CNTN4: variants seen among roughly 807,000 people sequenced by gnomAD.
The protein encoded by CNTN4 is contactin-4.
A neutral mutation model predicts 122.5 loss-of-function variants in CNTN4; 77 were observed. The ratio of observed to expected loss-of-function variants is 0.63; its 90% confidence interval spans 0.52 to 0.76. The LOEUF (loss-of-function observed/expected upper bound fraction) is 0.76, where lower values mean the gene tolerates loss of function less well. CNTN4 is among the 30% of genes least tolerant of loss of function. The pLI, the probability that CNTN4 is intolerant of heterozygous loss-of-function variation, is 0.00. For synonymous variants in CNTN4, 512 were observed against 447.0 expected (o/e 1.15, Z -1.83); for missense variants, 1,256 against 1,259.1 (o/e 1.00, Z 0.04).
intron 2 of CNTN4, among the ~76,000 whole-genome samples, chr3:2,118,721 A>G (rs1043897556): frequency 6.6e-6 from 1 of 152,308 alleles, no homozygotes; most frequent in East Asian, 1.9e-4. Flanking sequence ...AGAAATTTAA[A>G]CAAAAAGAAA....
At chr3:2,254,090 C>A (rs966477827) in intron 2 of CNTN4, among the ~76,000 whole-genome samples, 2 of 126,196 alleles carry the variant, frequency 1.6e-5, no homozygotes, top group South Asian at 2.8e-4. Flanking sequence ...CTCCCTGTGT[C>A]CATGTGTTCT....
intron 2 of CNTN4, among the ~76,000 whole-genome samples, chr3:2,184,568 C>A (rs758774346): frequency 1.1e-4 from 16 of 152,126 alleles, no homozygotes; most frequent in Admixed American, 2.6e-4. Context: ...ATGTTTGTGT[C>A]CCCTCCAAAA....
rs1297300571 is a variant in CNTN4 at position 2,440,862 on chromosome 3, C to G, written c.-89+101629C>G. On this transcript the variant is annotated intron_variant, in intron 3 of 24. Coordinates refer to ENST00000418658, the MANE Select transcript of CNTN4 (RefSeq NM_175607.3). ...TTTATATATACATATATACATATATCTAACATATATGTATATATGTATATA... is the reference window on the plus strand; with the variant it reads ...TTTATATATACATATATACATATATGTAACATATATGTATATATGTATATA... Among the ~76,000 whole-genome samples the G allele has an allele frequency of 4.5e-5, 6 of 131,990 alleles. No homozygotes were observed. In the Admixed American group the frequency reaches 5.0e-4, roughly 11 times the overall value. 86.6% of individuals were successfully genotyped at this position (131,990 alleles called of 152,430 possible). A position where few individuals can be genotyped will look rare whatever the true frequency, so the allele number is the denominator to read the frequency against.
At chr3:2,302,302 C>T (rs973572422) in intron 2 of CNTN4, among the ~76,000 whole-genome samples, 1 of 152,086 alleles carries the variant, frequency 6.6e-6, no homozygotes, top group Non-Finnish European at 1.5e-5. Flanking sequence ...GTGGTGCACA[C>T]CTGTAATCTC....
chr3:3,003,385 T>C (rs1449482903), intron 14 of CNTN4, among the ~76,000 whole-genome samples: 3 of 152,124 alleles, frequency 2.0e-5, no homozygotes, highest in Non-Finnish European at 4.4e-5. Context: ...GGTGTATCCA[T>C]ACAATGGACT....
At chr3:2,495,532 T>C (rs556497563) in intron 3 of CNTN4, among the ~76,000 whole-genome samples, 5 of 152,364 alleles carry the variant, frequency 3.3e-5, no homozygotes, top group Admixed American at 3.3e-4. Flanking sequence ...TACCTGTCTG[T>C]GGCCTGTTAG....
chr3:3,025,641 A>T (rs976983172), intron 14 of CNTN4, among the ~76,000 whole-genome samples: 4 of 152,270 alleles, frequency 2.6e-5, no homozygotes, highest in African/African-American at 9.6e-5. Flanking sequence ...AATTTCCTAA[A>T]TTACCTGTGC....
rs146121801 is a variant in CNTN4, at chr3:2,640,116, A to G, written c.55+68558A>G. 1.0e-3 allele frequency among the ~76,000 whole-genome samples: 152 copies of G among 152,360 alleles called. 1 individual carries two copies. The highest frequency in any genetic ancestry group is 6.8e-3 in the Middle Eastern group (2 of 294). On this transcript the variant is annotated intron_variant, in intron 4 of 24. Coordinates refer to ENST00000418658, the MANE Select transcript of CNTN4 (RefSeq NM_175607.3). The stretch of plus-strand genomic sequence containing the variant: ...GGGGCTAAAGGATTAGAAATGAGTA[A>G]GAGAATAATCTGACATTGCTTTGCT...
chr3:2,151,974 A>G (rs1428584518), intron 2 of CNTN4, among the ~76,000 whole-genome samples: 1 of 152,170 alleles, frequency 6.6e-6, no homozygotes, highest in Admixed American at 6.5e-5. Context: ...ATAATGCATG[A>G]TTTTTTCTAA....
At chr3:2,467,089 C>T (rs1310574797) in intron 3 of CNTN4, among the ~76,000 whole-genome samples, 3 of 145,872 alleles carry the variant, frequency 2.1e-5, no homozygotes, top group Admixed American at 6.9e-5. Flanking sequence ...CTTCCAGTAT[C>T]GCTAATACAT....
At chr3:2,130,814 T>C (rs2034415908) in intron 2 of CNTN4, among the ~76,000 whole-genome samples, 1 of 152,178 alleles carries the variant, frequency 6.6e-6, no homozygotes, top group South Asian at 2.1e-4. Context: ...GTTTAGAATT[T>C]TAGATTTTAG....
At chr3:2,787,622 T>C (rs79077775) in intron 6 of CNTN4, among the ~76,000 whole-genome samples, 1 of 152,148 alleles carries the variant, frequency 6.6e-6, no homozygotes, top group East Asian at 1.9e-4. Context: ...AGATTTAGTC[T>C]AGTTCACTTA....
chr3:2,596,467 CAT>C (rs746935453), intron 4 of CNTN4, among the ~76,000 whole-genome samples: 6 of 152,204 alleles, frequency 3.9e-5, no homozygotes, highest in South Asian at 4.2e-4. Flanking sequence ...AAATAGCAAT[CAT>C]GTGTTGAATA....
intron 3 of CNTN4, among the ~76,000 whole-genome samples, chr3:2,485,280 G>A (rs914221358): frequency 6.6e-6 from 1 of 152,226 alleles, no homozygotes; most frequent in Non-Finnish European, 1.5e-5. Flanking sequence ...ACTGCCCAAG[G>A]GCTGAGGAGG....
chr3:2,251,044 T>A (rs73019076), intron 2 of CNTN4, among the ~76,000 whole-genome samples: 1 of 151,910 alleles, frequency 6.6e-6, no homozygotes, highest in Admixed American at 6.6e-5. Flanking sequence ...CTAAATATTT[T>A]AAAAATACCA....
intron 2 of CNTN4, among the ~76,000 whole-genome samples, chr3:2,143,520 T>C (rs1429723332): frequency 6.6e-6 from 1 of 152,232 alleles, no homozygotes; most frequent in Non-Finnish European, 1.5e-5. Context: ...TAAAGAATCT[T>C]AGGCTCAGAG....
intron 13 of CNTN4, among the ~76,000 whole-genome samples, chr3:2,943,005 GCA>G (rs2094631447): frequency 6.6e-6 from 1 of 152,158 alleles, no homozygotes; most frequent in South Asian, 2.1e-4. Context: ...AGAAGGAAAT[GCA>G]AGATTATAAT....
intron 3 of CNTN4, among the ~76,000 whole-genome samples, chr3:2,426,502 T>A (rs1211266834): frequency 1.3e-5 from 2 of 152,184 alleles, no homozygotes; most frequent in Non-Finnish European, 2.9e-5. Context: ...TGCATCGATG[T>A]TTATCATGGA....
chr3:2,879,294 G>C (rs1342750286), intron 8 of CNTN4, among the ~76,000 whole-genome samples: 1 of 152,156 alleles, frequency 6.6e-6, no homozygotes, highest in South Asian at 2.1e-4. Context: ...CCACCAGAAG[G>C]TAGGAAGGAT....
Sources: gnomAD v4.1 joint callset for allele counts (sites outside exome capture counted in the v4.1 genomes callset) on GRCh38, gnomAD v4.1.1 for gene constraint, MANE v1.5 for transcripts, NCBI Gene and HGNC (gene_info 2026-07-23, HGNC 2026-07-21) for gene names.